TMEM51: variants seen among roughly 807,000 people sequenced by gnomAD.
TMEM51 encodes transmembrane protein 51, also known as chromosome 1 open reading frame 72.
In TMEM51, 8 loss-of-function variants were observed where a neutral mutation model predicts 13.6. The ratio of observed to expected loss-of-function variants is 0.59; its 90% confidence interval spans 0.35 to 1.07. The LOEUF (loss-of-function observed/expected upper bound fraction) is 1.07. Among genes scored for constraint, TMEM51 ranks in the 50% least tolerant of loss-of-function variants. The pLI, the probability that TMEM51 is intolerant of heterozygous loss-of-function variation, is 0.02. For missense variants in TMEM51, 279 were observed against 330.7 expected, an observed-to-expected ratio of 0.84 and a Z score of 1.21; for synonymous variants, 147 against 144.4, an observed-to-expected ratio of 1.02 and a Z score of -0.13.
chr1:15,191,184 G>T (rs894896275), intron 1 of TMEM51, among the ~76,000 whole-genome samples: 8 of 152,224 alleles, frequency 5.3e-5, no homozygotes, highest in African/African-American at 1.9e-4. Flanking sequence ...TTTGAAGGTG[G>T]AAGAAGGTTC....
chr1:15,165,257 A>G (rs892250138), intron 1 of TMEM51, among the ~76,000 whole-genome samples: 54 of 152,120 alleles, frequency 3.5e-4, no homozygotes, highest in Non-Finnish European at 7.1e-4. Flanking sequence ...TAGAGGCTAC[A>G]GTGAGCCGTG....
intron 1 of TMEM51, among the ~76,000 whole-genome samples, chr1:15,196,236 G>C (rs1003027440): frequency 6.6e-6 from 1 of 152,178 alleles, no homozygotes; most frequent in African/African-American, 2.4e-5. Context: ...GCCAGAGTGA[G>C]CTTGGACCAC....
intron 1 of TMEM51, chr1:15,168,552 G>C (rs573711604): frequency 7.7e-7 from 1 of 1,304,836 alleles, no homozygotes; most frequent in Admixed American, 2.3e-5. Context: ...TAACAGCATA[G>C]GCTGTTTTGT....
At chr1:15,215,510 G>A (rs112059304) in intron 3 of TMEM51, 79 bp downstream of exon 3, 4 of 1,304,582 alleles carry the variant, frequency 3.1e-6, no homozygotes, top group Non-Finnish European at 4.1e-6. Context: ...ACACCTTTCC[G>A]TGGTGAAAAG....
At chr1:15,155,785 T>C (rs1394761124) in intron 1 of TMEM51, among the ~76,000 whole-genome samples, 1 of 147,326 alleles carries the variant, frequency 6.8e-6, no homozygotes, top group Non-Finnish European at 1.5e-5. Flanking sequence ...TCAACATATG[T>C]TGGCCGAGCA....
chr1:15,177,361 G>C (rs1424979432), intron 1 of TMEM51, among the ~76,000 whole-genome samples: 8 of 152,170 alleles, frequency 5.3e-5, no homozygotes, highest in African/African-American at 7.2e-5. Flanking sequence ...GAATGCCCAA[G>C]GTCACTGAGA....
intron 1 of TMEM51, chr1:15,164,447 T>A (rs911333976): frequency 2.2e-6 from 1 of 456,056 alleles, no homozygotes; most frequent in Non-Finnish European, 4.4e-6. Context: ...GGCCTTTGGG[T>A]TTTGGGAAAG....
intron 1 of TMEM51, among the ~76,000 whole-genome samples, chr1:15,179,634 T>G (rs1379413141): frequency 6.6e-6 from 1 of 151,966 alleles, no homozygotes; most frequent in African/African-American, 2.4e-5. Flanking sequence ...AATATAAAAA[T>G]TAGCGGGCGT....
intron 1 of TMEM51, among the ~76,000 whole-genome samples, chr1:15,175,420 TAAAA>T (rs1643426760): frequency 6.6e-6 from 1 of 151,960 alleles, no homozygotes. Flanking sequence ...ATAAATTAAA[TAAAA>T]TAAAATAAAC....
At chr1:15,214,345 A>G (rs1644390260) in intron 2 of TMEM51, among the ~76,000 whole-genome samples, 1 of 152,170 alleles carries the variant, frequency 6.6e-6, no homozygotes. Flanking sequence ...GACATGCAGT[A>G]GGAGAGGCAG....
chr1:15,208,032 T>G (rs1644280076), intron 1 of TMEM51, among the ~76,000 whole-genome samples: 1 of 152,228 alleles, frequency 6.6e-6, no homozygotes, highest in Non-Finnish European at 1.5e-5. Context: ...ACTAAGTACC[T>G]GTTAAGTTCC....
intron 3 of TMEM51, 105 bp from the exon 4 acceptor site, chr1:15,219,221 A>T: frequency 8.1e-7 from 1 of 1,240,116 alleles, no homozygotes; most frequent in Non-Finnish European, 1.1e-6. Flanking sequence ...CCCATTTGTT[A>T]TTTACAAGGC....
chr1:15,205,931 CA>C (rs577874837), intron 1 of TMEM51, among the ~76,000 whole-genome samples: 21 of 152,260 alleles, frequency 1.4e-4, no homozygotes, highest in South Asian at 1.0e-3. Flanking sequence ...TCAAAATCTT[CA>C]ACAAGTCATT....
At chr1:15,192,455 C>CCTTTTTTTTTTTT (rs3078876) in intron 1 of TMEM51, 116 of 170,696 alleles carry the variant, frequency 6.8e-4, no homozygotes, top group South Asian at 2.1e-3. Flanking sequence ...TCTTTCTTTT[C>CCTTTTTTTTTTTT]TTTTCCTTTT....
rs564117310 is a variant in TMEM51, at chr1:15,203,507, C to A, written c.-266-6983C>A. ...CGAACTCCTGACCTCATGATCCACC[C>A]GCATCGGCTTCCCAAGGTGTTGGGA... On this transcript the variant is annotated intron_variant, in intron 1 of 3. Coordinates refer to ENST00000376008, the MANE Select transcript of TMEM51 (RefSeq NM_001136218.2). Among the ~76,000 whole-genome samples the A allele has an allele frequency of 2.6e-5, 4 of 152,190 alleles. No homozygotes were observed. In the East Asian group the frequency reaches 7.7e-4, roughly 29 times the overall value.
intron 3 of TMEM51, among the ~76,000 whole-genome samples, chr1:15,217,726 C>G (rs1241578695): frequency 6.6e-6 from 1 of 152,078 alleles, no homozygotes; most frequent in Non-Finnish European, 1.5e-5. Context: ...AGTCAAATTC[C>G]TGCTTGCTCT....
chr1:15,175,569 A>G (rs1643432584), intron 1 of TMEM51, among the ~76,000 whole-genome samples: 1 of 152,200 alleles, frequency 6.6e-6, no homozygotes, highest in Admixed American at 6.5e-5. Flanking sequence ...ATAAAGACAT[A>G]CCCGAGACTG....
At chr1:15,192,793 C>T in intron 1 of TMEM51, 1 of 172,692 alleles carries the variant, frequency 5.8e-6, no homozygotes, top group South Asian at 1.5e-4. Context: ...CACTTACTGA[C>T]TAATGCCTGC....
chr1:15,215,991 CACT>C (rs1644425874), intron 3 of TMEM51, among the ~76,000 whole-genome samples: 1 of 151,826 alleles, frequency 6.6e-6, no homozygotes, highest in Admixed American at 6.6e-5. Flanking sequence ...GAGATACCGC[CACT>C]GCACTCCAGC....
Sources: gnomAD v4.1 joint callset for allele counts (sites outside exome capture counted in the v4.1 genomes callset) on GRCh38, gnomAD v4.1.1 for gene constraint, MANE v1.5 for transcripts, NCBI Gene and HGNC (gene_info 2026-07-23, HGNC 2026-07-21) for gene names.